Variants in HR observed in about 807,000 individuals in gnomAD.
HR encodes the protein lysine-specific demethylase hairless.
Under a neutral mutation model 128.6 loss-of-function variants are expected in HR, and 83 were observed. The observed-to-expected ratio is 0.65, with a 90% CI of 0.54 to 0.77. The LOEUF is 0.77. HR is among the 30% of genes least tolerant of loss of function. HR has a pLI of 0.00. For missense variants in HR, 1,490 were observed against 1,574.6 expected, an observed-to-expected ratio of 0.95 and a Z score of 0.91; for synonymous variants, 681 against 658.2, an observed-to-expected ratio of 1.03 and a Z score of -0.53.
intron 5 of HR, among the ~76,000 whole-genome samples, chr8:22,124,817 C>T (rs1247791013): frequency 6.6e-6 from 1 of 152,166 alleles, no homozygotes; most frequent in Non-Finnish European, 1.5e-5. Context: ...GTGCTGGGAA[C>T]CCAGGCTGGG....
intron 5 of HR, among the ~76,000 whole-genome samples, chr8:22,124,358 G>A (rs1826832780): frequency 1.3e-5 from 2 of 152,224 alleles, no homozygotes; most frequent in Admixed American, 6.5e-5. Flanking sequence ...GCCTCCCAAA[G>A]TGCTGGGATT....
At chr8:22,128,390 G>T (rs752705865) in intron 2 of HR, 169 bp downstream of exon 2, 37 of 903,476 alleles carry the variant, frequency 4.1e-5, no homozygotes, top group Non-Finnish European at 5.9e-5. Flanking sequence ...GCTGCTCAGG[G>T]TAGGGCTTGC....
In HR at chr8:22,128,452, C is replaced by T. The variant is rs1390756002; in HGVS notation, c.612+107G>A. On this transcript the variant is annotated intron_variant, in intron 2 of 18. Transcript: ENST00000381418. ...AGCTCCAAGCTGATAGACCCCTCTA[C>T]CTCGGTGCTGCCTTCTCTTTTCATC... The T allele has an allele frequency of 1.9e-5, 28 of 1,483,078 alleles. No homozygotes were observed. The South Asian group carries it at 1.9e-4, about 10-fold the overall frequency. 91.9% of individuals were successfully genotyped at this position (1,483,078 alleles called of 1,614,324 possible). A position where few individuals can be genotyped will look rare whatever the true frequency, so the allele number is the denominator to read the frequency against.
Position 22,116,565 on chromosome 8 carries a change from C to A in HR, c.3379-137G>T. On this transcript the variant is annotated intron_variant, in intron 17 of 18. Transcript: ENST00000381418. The surrounding 1 kb of genome is among the most constrained non-coding windows in gnomAD (Gnocchi z 4.2). ...TCAGAGAGCAGATTCCTGGATGCAC[C>A]ACTGGACACCTCAAAGCCTGTGGCC... The A allele has an allele frequency of 1.6e-6, 2 of 1,280,770 alleles. No homozygotes were observed. Among genetic ancestry groups the A allele is most frequent in the Non-Finnish European group, 2.2e-6 (2 of 913,538 alleles). 79.3% of individuals were successfully genotyped at this position (1,280,770 alleles called of 1,614,324 possible).
At chr8:22,120,681 G>C in intron 11 of HR, 35 bp downstream of exon 11, 1 of 1,511,538 alleles carries the variant, frequency 6.6e-7, no homozygotes, top group Non-Finnish European at 8.8e-7. Flanking sequence ...AGGTGGGGTG[G>C]CCAGGGCCGG....
At chr8:22,123,306 C>T (rs141540471) in intron 6 of HR, among the ~76,000 whole-genome samples, 95 of 152,274 alleles carry the variant, frequency 6.2e-4, no homozygotes, top group Middle Eastern at 6.8e-3. Context: ...TGACCTTGGA[C>T]GAGTCGCTTA....
rs1826560777 is a variant in HR at position 22,115,405 on chromosome 8, CGGA to C, written c.*292_*294del. On this transcript the variant is annotated 3_prime_UTR_variant, in exon 19 of 19. Transcript: ENST00000381418. The stretch of plus-strand genomic sequence containing the variant: ...GAAGGGCTGTTTGTCTCCTGGGTCT[CGGA>C]GGAGTGGGGATTGGAGGAAGTCAAT... 8 of 544,034 alleles carry C rather than the reference CGGA, an allele frequency of 1.5e-5. No individual in the cohort carries two copies. The East Asian group carries it at 2.5e-4, about 17-fold the overall frequency. 33.7% of individuals were successfully genotyped at this position (544,034 alleles called of 1,614,324 possible). A position where few individuals can be genotyped will look rare whatever the true frequency, so the allele number is the denominator to read the frequency against.
chr8:22,128,039 C>T (rs1826946612), intron 2 of HR: 4 of 640,718 alleles, frequency 6.2e-6, no homozygotes, highest in South Asian at 5.4e-5. Flanking sequence ...GACGTCCCCA[C>T]AAGGAAGTCT....
At position 22,127,048 on chromosome 8, in the gene HR, T is replaced by A; in HGVS notation, c.1394A>T (p.Asp465Val). 1 of 1,611,996 alleles carries A rather than the reference T, an allele frequency of 6.2e-7. No individual in the cohort carries two copies. The highest frequency in any genetic ancestry group is 1.3e-5 in the African/African-American group (1 of 74,954). Residue 465 changes from aspartate (D) to valine (V), a missense_variant, in exon 3 of 19, where the codon GAT (aspartate) becomes GTT (valine). Transcript: ENST00000381418. ...GNKDVDSGQHDEQKGPQDGQA... is the reference protein window; with the variant it reads ...GNKDVDSGQHVEQKGPQDGQA... ...CCTGGCCCCCTTACCTTTCTGCTCA[T>A]CATGCTGTCCCGAGTCCACATCCTT...
Position 22,128,711 on chromosome 8 carries a change from G to T in HR, c.460C>A (p.Arg154=), listed in dbSNP as rs1213811929. 1.9e-6 allele frequency: 3 copies of T among 1,583,680 alleles called. No individual in the cohort carries two copies. Among genetic ancestry groups the T allele is most frequent in the Non-Finnish European group, 2.6e-6 (3 of 1,165,212 alleles). ...CAGGTGGGCACCCAGAAGGGAGCTCGCTCCAGGATCTTGGTCTCCAGAAGG... is the reference window on the plus strand; with the variant it reads ...CAGGTGGGCACCCAGAAGGGAGCTCTCTCCAGGATCTTGGTCTCCAGAAGG... The part of the protein sequence containing the change: ...PFLLETKILE[R]APFWVPTCLP... The change falls in exon 2 of 19, where the codon CGA becomes AGA. Residue 154 remains arginine, a synonymous_variant. Coordinates refer to ENST00000381418, the MANE Select transcript of HR (RefSeq NM_005144.5).
At chr8:22,125,287 G>A (rs779856500) in intron 5 of HR, 24 bp downstream of exon 5, 24 of 1,552,600 alleles carry the variant, frequency 1.5e-5, no homozygotes, top group Admixed American at 3.9e-5. Flanking sequence ...GAGACCCCAC[G>A]CAGACCCAGG....
chr8:22,128,883 T>C lies in HR; in HGVS notation c.288A>G (p.Gly96=), dbSNP rs1277415210. The change falls in exon 2 of 19, where the codon GGA becomes GGG. Residue 96 remains glycine, a synonymous_variant. Coordinates refer to ENST00000381418, the MANE Select transcript of HR (RefSeq NM_005144.5). ...RKVNWLGSKE[G]LRWKEAMLTH... ...TAAGCATGGCCTCCTTCCAGCGCAGTCCCTCTTTGCTGCCCAGCCAGTTGA... is the reference window on the plus strand; with the variant it reads ...TAAGCATGGCCTCCTTCCAGCGCAGCCCCTCTTTGCTGCCCAGCCAGTTGA... 1.2e-6 allele frequency: 2 copies of C among 1,613,406 alleles called. No individual in the cohort carries two copies. Among genetic ancestry groups the C allele is most frequent in the Non-Finnish European group, 1.7e-6 (2 of 1,180,020 alleles).
At chr8:22,121,917 A>G (rs1461608100) in intron 8 of HR, among the ~76,000 whole-genome samples, 1 of 152,196 alleles carries the variant, frequency 6.6e-6, no homozygotes, top group Non-Finnish European at 1.5e-5. Context: ...AAATGGCTGG[A>G]AATAAATATG....
In HR at chr8:22,116,239, G is replaced by C; in HGVS notation, c.3507+61C>G. 1.2e-6 allele frequency: 2 copies of C among 1,609,576 alleles called. No individual in the cohort carries two copies. Among genetic ancestry groups the C allele is most frequent in the Non-Finnish European group, 1.7e-6 (2 of 1,178,576 alleles). ...GATCTGCTATGTCCACTGCAGCTGT[G>C]GCACAGGGAGGTGGGAGGCTTGGGT... On this transcript the variant is annotated intron_variant, in intron 18 of 18. Coordinates refer to ENST00000381418, the MANE Select transcript of HR (RefSeq NM_005144.5). This position sits in a 1 kb window ranked among gnomAD's most constrained non-coding sequence, Gnocchi z 4.2.
intron 3 of HR, 134 bp from the exon 4 acceptor site, chr8:22,125,866 C>T (rs948411532): frequency 1.1e-5 from 11 of 1,036,510 alleles, no homozygotes; most frequent in Non-Finnish European, 1.4e-5. Context: ...AAGCCTAATT[C>T]AGAACCAGCA....
At position 22,120,718 on chromosome 8, in the gene HR, G is replaced by A; in HGVS notation, c.2608C>T (p.Gln870Ter). Reference sequence around the variant, plus strand: ...AGGGGAGGGGAGGGGTGCCTCACCTGGCCCTGCCTCCAGTGCTCCTGGAAG... The same window carrying A: ...AGGGGAGGGGAGGGGTGCCTCACCTAGCCCTGCCTCCAGTGCTCCTGGAAG... ...HLFQEHWRQG[Q>*]PVLVSGIQRT... Residue 870 changes from glutamine to a stop codon, truncating the protein, a stop_gained and splice_region_variant, in exon 11 of 19, where the codon CAG (glutamine) becomes TAG (stop). Coordinates refer to ENST00000381418, the MANE Select transcript of HR (RefSeq NM_005144.5). LOFTEE classifies it high-confidence loss of function. The A allele has an allele frequency of 6.7e-7, 1 of 1,501,508 alleles. No homozygotes were observed. Among genetic ancestry groups the A allele is most frequent in the Non-Finnish European group, 8.9e-7 (1 of 1,127,202 alleles). The allele number at this position is 1,501,508 out of a possible 1,614,324, so 93.0% of individuals were successfully genotyped here.
chr8:22,123,617 T>TGGGGC, intron 6 of HR, 32 bp downstream of exon 6: 27 of 292,080 alleles, frequency 9.2e-5, no homozygotes, highest in Non-Finnish European at 1.6e-4. Context: ...GAGGGCTCCA[T>TGGGGC]CCCGCCCTCC....
chr8:22,121,589 C>G, intron 9 of HR, 24 bp downstream of exon 9: 1 of 1,611,444 alleles, frequency 6.2e-7, no homozygotes, highest in Non-Finnish European at 8.5e-7. Flanking sequence ...TTGCACAGGC[C>G]GAGGGGCAAG....
chr8:22,120,673 G>C, intron 11 of HR, 43 bp downstream of exon 11: 2 of 1,519,632 alleles, frequency 1.3e-6, no homozygotes, highest in Non-Finnish European at 1.8e-6. Context: ...CGAGGGGCAG[G>C]TGGGGTGGCC....
Sources: allele counts gnomAD v4.1 joint callset (sites outside exome capture counted in the v4.1 genomes callset), GRCh38; gene constraint gnomAD v4.1.1; non-coding constraint Gnocchi (gnomAD v3.1); transcripts MANE v1.5; gene names NCBI Gene and HGNC (gene_info 2026-07-23, HGNC 2026-07-21).